The following SBF2 variants were observed in gnomAD, a reference collection of about 807,000 sequenced individuals.
SBF2 encodes myotubularin-related protein 13.
A neutral mutation model predicts 225.2 loss-of-function variants in SBF2; 112 were observed. That is an observed-to-expected ratio of 0.50 (90% CI 0.43 to 0.58). The LOEUF is 0.58. Among genes scored for constraint, SBF2 ranks in the 20% least tolerant of loss-of-function variants. The pLI, the probability that SBF2 is intolerant of heterozygous loss-of-function variation, is 0.00. For synonymous variants in SBF2, 763 were observed against 773.3 expected (o/e 0.99, Z 0.22); for missense variants, 1,996 against 2,206.2 (o/e 0.90, Z 1.91).
chr11:10,129,306 G>C (rs1953916764), intron 2 of SBF2, among the ~76,000 whole-genome samples: 1 of 150,392 alleles, frequency 6.6e-6, no homozygotes, highest in South Asian at 2.1e-4. Context: ...GTTTCGTCCT[G>C]TTGGCCAGGC....
At chr11:10,301,693 C>G (rs955770112) in intron 1 of SBF2, among the ~76,000 whole-genome samples, 12 of 152,198 alleles carry the variant, frequency 7.9e-5, no homozygotes, top group Non-Finnish European at 8.8e-5. Context: ...TATGGCCACT[C>G]TGGCTTTAAG....
chr11:10,067,166 G>A (rs1565192080), intron 2 of SBF2, among the ~76,000 whole-genome samples: 23 of 152,166 alleles, frequency 1.5e-4, no homozygotes. Flanking sequence ...ATGTGAAAGA[G>A]CTGGACAATG....
intron 2 of SBF2, among the ~76,000 whole-genome samples, chr11:10,065,260 C>T (rs182580155): frequency 9.3e-4 from 142 of 152,108 alleles, no homozygotes; most frequent in African/African-American, 2.8e-3. Flanking sequence ...TAGGATGCTA[C>T]TAAAGTAGTA....
At chr11:10,136,008 G>A (rs182362657) in intron 2 of SBF2, among the ~76,000 whole-genome samples, 1 of 152,114 alleles carries the variant, frequency 6.6e-6, no homozygotes, top group Admixed American at 6.6e-5. Context: ...CAAAAGAAAG[G>A]CGTTTAATAG....
At chr11:10,181,538 T>C (rs1440083864) in intron 2 of SBF2, among the ~76,000 whole-genome samples, 3 of 152,120 alleles carry the variant, frequency 2.0e-5, no homozygotes, top group Non-Finnish European at 2.9e-5. Context: ...GAATTAACTG[T>C]TTAAAAAAGT....
intron 22 of SBF2, among the ~76,000 whole-genome samples, chr11:9,848,917 G>A (rs1259544382): frequency 6.6e-6 from 1 of 152,186 alleles, no homozygotes; most frequent in African/African-American, 2.4e-5. Context: ...TAGGAATAAT[G>A]CAACTGTTAA....
At position 9,839,649 on chromosome 11, in the gene SBF2, C is replaced by T. The variant is rs778262784; in HGVS notation, c.3304G>A (p.Glu1102Lys). ...LPTSTTLKASEKSTMEQLVEK... is the reference protein window; with the variant it reads ...LPTSTTLKASKKSTMEQLVEK... ...ACCAACTGTTCCATTGTAGACTTCTCGGAGGCCTTCAGGGTGGTACTTGTG... is the reference window on the plus strand; with the variant it reads ...ACCAACTGTTCCATTGTAGACTTCTTGGAGGCCTTCAGGGTGGTACTTGTG... Residue 1102 changes from glutamate to lysine, a missense_variant, in exon 26 of 40, where the codon GAG (glutamate) becomes AAG (lysine). Physicochemically the swap from Glu to Lys is moderately conservative, Grantham distance 56. Coordinates refer to ENST00000256190, the MANE Select transcript of SBF2 (RefSeq NM_030962.4). 4.3e-6 allele frequency: 7 copies of T among 1,614,124 alleles called. No individual in the cohort carries two copies. The highest frequency in any genetic ancestry group is 2.7e-5 in the African/African-American group (2 of 75,022).
chr11:9,783,457 T>C (rs552752998), intron 38 of SBF2, among the ~76,000 whole-genome samples: 3 of 152,280 alleles, frequency 2.0e-5, no homozygotes, highest in East Asian at 1.9e-4. Context: ...GATAAATGCA[T>C]TGAGAATCAA....
chr11:9,939,535 G>A (rs1277711690), intron 16 of SBF2, among the ~76,000 whole-genome samples: 1 of 152,146 alleles, frequency 6.6e-6, no homozygotes, highest in Non-Finnish European at 1.5e-5. Flanking sequence ...TCATGGGTGA[G>A]GCCCTATTTC....
chr11:9,946,235 T>C (rs753894176), intron 16 of SBF2, among the ~76,000 whole-genome samples: 5 of 152,254 alleles, frequency 3.3e-5, no homozygotes, highest in East Asian at 3.9e-4. Flanking sequence ...ACATACACCA[T>C]GGAATACTAA....
chr11:10,046,148 C>G (rs1049428787), intron 2 of SBF2, among the ~76,000 whole-genome samples: 58 of 152,068 alleles, frequency 3.8e-4, no homozygotes, highest in African/African-American at 1.4e-3. Flanking sequence ...AACATTTGAA[C>G]ATCCTCGGAT....
At chr11:10,014,324 T>C (rs1948563574) in intron 6 of SBF2, among the ~76,000 whole-genome samples, 2 of 152,106 alleles carry the variant, frequency 1.3e-5, no homozygotes. Flanking sequence ...ATCCTGAGTC[T>C]ATGCCATTAC....
chr11:9,828,185 A>T (rs763996960), intron 28 of SBF2: 8 of 1,289,732 alleles, frequency 6.2e-6, no homozygotes, highest in Non-Finnish European at 8.1e-6. Context: ...TACCTGCTTA[A>T]GCACAGTGGA....
At chr11:10,243,998 G>A (rs1405770362) in intron 1 of SBF2, among the ~76,000 whole-genome samples, 1 of 152,082 alleles carries the variant, frequency 6.6e-6, no homozygotes, top group East Asian at 1.9e-4. Context: ...GAAAACTACA[G>A]GCCAAAATCC....
intron 2 of SBF2, among the ~76,000 whole-genome samples, chr11:10,154,430 A>C (rs1280261812): frequency 1.3e-5 from 2 of 152,010 alleles, no homozygotes. Context: ...ACAATACTCA[A>C]TGTGTTGCTA....
intron 1 of SBF2, among the ~76,000 whole-genome samples, chr11:10,277,683 A>G (rs1433975467): frequency 6.6e-6 from 1 of 152,178 alleles, no homozygotes; most frequent in Non-Finnish European, 1.5e-5. Flanking sequence ...AAATCCAATG[A>G]TTAGCATCTT....
intron 16 of SBF2, among the ~76,000 whole-genome samples, chr11:9,902,543 C>T (rs556635023): frequency 6.6e-6 from 1 of 152,156 alleles, no homozygotes; most frequent in African/African-American, 2.4e-5. Flanking sequence ...GTGGTCACTC[C>T]TAGTGGCTCA....
chr11:10,050,286 C>G (rs1314594642), intron 2 of SBF2, among the ~76,000 whole-genome samples: 1 of 152,116 alleles, frequency 6.6e-6, no homozygotes, highest in African/African-American at 2.4e-5. Flanking sequence ...ACAGAAATAA[C>G]AATGCAACTT....
chr11:10,097,909 C>T (rs1424220811), intron 2 of SBF2, among the ~76,000 whole-genome samples: 1 of 151,856 alleles, frequency 6.6e-6, no homozygotes, highest in African/African-American at 2.4e-5. Flanking sequence ...TCTTTCTCAC[C>T]CCACCGACAA....
Sources: gnomAD v4.1 joint callset for allele counts (sites outside exome capture counted in the v4.1 genomes callset) on GRCh38, gnomAD v4.1.1 for gene constraint, MANE v1.5 for transcripts, NCBI Gene and HGNC (gene_info 2026-07-23, HGNC 2026-07-21) for gene names.